The following MYO5B variants were observed in gnomAD, a reference collection of about 807,000 sequenced individuals.
The protein encoded by MYO5B is myosin VB.
MYO5B carries 143 observed loss-of-function variants against 229.3 expected under a neutral mutation model. The observed-to-expected ratio is 0.62, with a 90% CI of 0.54 to 0.72. MYO5B has a LOEUF of 0.72. Among genes scored for constraint, MYO5B ranks in the 30% least tolerant of loss-of-function variants. MYO5B has a pLI of 0.00. For missense variants in MYO5B, 2,321 were observed against 2,331.0 expected, an observed-to-expected ratio of 1.00 and a Z score of 0.09; for synonymous variants, 918 against 885.2, an observed-to-expected ratio of 1.04 and a Z score of -0.66.
intron 1 of MYO5B, among the ~76,000 whole-genome samples, chr18:50,095,698 G>A (rs752946319): frequency 1.1e-4 from 17 of 152,198 alleles, no homozygotes; most frequent in Admixed American, 3.3e-4. Flanking sequence ...AGACCCATGC[G>A]CCTTGGGATG....
Position 49,963,047 on chromosome 18 carries a change from G to A in MYO5B, c.1323-17C>T, listed in dbSNP as rs1555647525. On this transcript the variant is annotated splice_polypyrimidine_tract_variant and intron_variant, in intron 10 of 39. Transcript: ENST00000285039. ...GTCTCAAACCTACAGAATGGAAAGA[G>A]AAGATAAGAGACGTCTCCTTTCAAC... The A allele has an allele frequency of 1.2e-6, 2 of 1,604,784 alleles. No individual in the cohort carries two copies. Among genetic ancestry groups the A allele is most frequent in the Admixed American group, 3.3e-5 (2 of 60,000 alleles).
chr18:50,096,661 G>A (rs1320691145), intron 1 of MYO5B, among the ~76,000 whole-genome samples: 1 of 152,092 alleles, frequency 6.6e-6, no homozygotes, highest in Non-Finnish European at 1.5e-5. Context: ...ACTTGCCCCA[G>A]CACCAGTCTG....
chr18:50,024,363 TGGGTG>T (rs1390009393), intron 4 of MYO5B, among the ~76,000 whole-genome samples: 2 of 36,032 alleles, frequency 5.6e-5, no homozygotes. Flanking sequence ...AGAGAAGTCC[TGGGTG>T]CTGGGATTCC....
chr18:49,868,705 C>T (rs1363735529), intron 27 of MYO5B, among the ~76,000 whole-genome samples: 1 of 152,190 alleles, frequency 6.6e-6, no homozygotes, highest in Non-Finnish European at 1.5e-5. Flanking sequence ...TCATTCTCCT[C>T]TGCTTTTGCA....
At chr18:50,017,794 C>A (rs777307801) in intron 4 of MYO5B, among the ~76,000 whole-genome samples, 7 of 152,328 alleles carry the variant, frequency 4.6e-5, no homozygotes, top group Middle Eastern at 3.4e-3. Context: ...TCATTCCAAT[C>A]ACTATTCCCT....
rs2032902073 is a variant in MYO5B, at chr18:50,169,873, T to A, written c.27+24894A>T. ...ATACAGATGTGAGGATCAAGTCCCA[T>A]GATGAGCAAGGTTAGCAGGACAATG... is the stretch of plus-strand genomic sequence containing the variant. On this transcript the variant is annotated intron_variant, in intron 1 of 39. Coordinates refer to ENST00000285039, the MANE Select transcript of MYO5B (RefSeq NM_001080467.3). 1.6e-5 allele frequency among the ~76,000 whole-genome samples: 2 copies of A among 126,184 alleles called. 1 individual carries two copies. The highest frequency in any genetic ancestry group is 5.7e-4 in the South Asian group (2 of 3,502). The allele number at this position is 126,184 out of a possible 152,430, so 82.8% of individuals were successfully genotyped here.
intron 1 of MYO5B, among the ~76,000 whole-genome samples, chr18:50,181,483 C>T (rs1004405547): frequency 3.3e-5 from 5 of 152,216 alleles, no homozygotes; most frequent in African/African-American, 1.2e-4. Context: ...CCTTACTCAA[C>T]CAGCTTAGTT....
At chr18:49,968,248 G>A (rs562832096) in intron 10 of MYO5B, among the ~76,000 whole-genome samples, 10 of 152,264 alleles carry the variant, frequency 6.6e-5, no homozygotes, top group East Asian at 5.8e-4. Flanking sequence ...GCTTATTCTC[G>A]TGGCCCAATA....
intron 25 of MYO5B, among the ~76,000 whole-genome samples, chr18:49,876,544 C>T (rs972742726): frequency 6.6e-6 from 1 of 152,164 alleles, no homozygotes; most frequent in African/African-American, 2.4e-5. Flanking sequence ...AGCACTGGTT[C>T]CACCAAGGCT....
At chr18:50,046,025 T>G (rs1598978618) in intron 2 of MYO5B, among the ~76,000 whole-genome samples, 1 of 152,326 alleles carries the variant, frequency 6.6e-6, no homozygotes, top group African/African-American at 2.4e-5. Flanking sequence ...GAACTAATAA[T>G]AATCATACAG....
chr18:50,168,265 A>G (rs564925086), intron 1 of MYO5B, among the ~76,000 whole-genome samples: 56 of 152,304 alleles, frequency 3.7e-4, no homozygotes, highest in African/African-American at 1.3e-3. Context: ...CAACCTCACA[A>G]GTCAACTTGT....
At chr18:50,003,046 T>C (rs1425383671) in intron 4 of MYO5B, among the ~76,000 whole-genome samples, 3 of 152,176 alleles carry the variant, frequency 2.0e-5, no homozygotes, top group African/African-American at 7.2e-5. Context: ...TACAAGGGAA[T>C]GGTCCAATTA....
intron 1 of MYO5B, among the ~76,000 whole-genome samples, chr18:50,173,623 C>A (rs143612846): frequency 1.6e-3 from 236 of 152,196 alleles, no homozygotes; most frequent in Non-Finnish European, 2.8e-3. Context: ...AGCGAGGATT[C>A]AAGTAACGTT....
At chr18:50,053,587 G>C (rs748817205) in intron 2 of MYO5B, among the ~76,000 whole-genome samples, 4 of 152,116 alleles carry the variant, frequency 2.6e-5, no homozygotes, top group Non-Finnish European at 4.4e-5. Context: ...TCCATCTGTT[G>C]GGAGTTGTGC....
intron 9 of MYO5B, among the ~76,000 whole-genome samples, chr18:49,978,686 G>A (rs2025780002): frequency 7.2e-6 from 1 of 138,490 alleles, no homozygotes; most frequent in African/African-American, 2.8e-5. Flanking sequence ...AAGGTAGGCA[G>A]CAAGTAATAC....
chr18:49,880,259 T>G, intron 23 of MYO5B, 112 bp downstream of exon 23: 1 of 906,158 alleles, frequency 1.1e-6, no homozygotes, highest in Non-Finnish European at 1.9e-6. Context: ...TTAAAATCCT[T>G]TCCCCACTGT....
chr18:50,054,577 T>A (rs1236894468), intron 2 of MYO5B, among the ~76,000 whole-genome samples: 1 of 152,174 alleles, frequency 6.6e-6, no homozygotes, highest in African/African-American at 2.4e-5. Flanking sequence ...GCAGAGGCAG[T>A]GGTCACAAAA....
chr18:49,934,943 G>A (rs1441413134), intron 16 of MYO5B, among the ~76,000 whole-genome samples: 1 of 152,200 alleles, frequency 6.6e-6, no homozygotes, highest in Non-Finnish European at 1.5e-5. Flanking sequence ...AAATCATGGG[G>A]AAGGAAAGAT....
chr18:49,994,906 T>G (rs189175892), intron 5 of MYO5B, among the ~76,000 whole-genome samples: 1 of 152,314 alleles, frequency 6.6e-6, no homozygotes, highest in African/African-American at 2.4e-5. Flanking sequence ...ATAAGCCAGG[T>G]CCTGGGCTGG....
Sources: allele counts gnomAD v4.1 joint callset (sites outside exome capture counted in the v4.1 genomes callset), GRCh38; gene constraint gnomAD v4.1.1; transcripts MANE v1.5; gene names NCBI Gene and HGNC (gene_info 2026-07-23, HGNC 2026-07-21).